Variants in BCAR1 observed in about 807,000 individuals in gnomAD.
The protein encoded by BCAR1 is breast cancer anti-estrogen resistance protein 1.
A neutral mutation model predicts 67.6 loss-of-function variants in BCAR1; 30 were observed. That is an observed-to-expected ratio of 0.44 (90% CI 0.33 to 0.60). The LOEUF (loss-of-function observed/expected upper bound fraction) is 0.60. Ranked by LOEUF, BCAR1 falls within the 20% of genes least tolerant of loss-of-function variation. The pLI, the probability that BCAR1 is intolerant of heterozygous loss-of-function variation, is 0.02. For missense variants in BCAR1, 1,313 were observed against 1,222.3 expected (o/e 1.07, Z -1.11); for synonymous variants, 626 against 556.7 (o/e 1.12, Z -1.75).
At chr16:75,234,847 G>T in intron 5 of BCAR1, 42 bp downstream of exon 5, 1 of 1,515,388 alleles carries the variant, frequency 6.6e-7, no homozygotes, top group Non-Finnish European at 8.8e-7. Flanking sequence ...CAGGAGCCCA[G>T]CGTGGCAGAA....
chr16:75,238,113 C>G, intron 2 of BCAR1: 1 of 1,288,796 alleles, frequency 7.8e-7, no homozygotes, highest in Non-Finnish European at 1.0e-6. Flanking sequence ...CCCAGGGAAG[C>G]CAAGGCCCGC....
Position 75,235,202 on chromosome 16 carries a change from C to A in BCAR1, c.1697G>T (p.Arg566Leu). The A allele has an allele frequency of 2.5e-6, 4 of 1,608,012 alleles. No individual in the cohort carries two copies. The highest frequency in any genetic ancestry group is 3.4e-6 in the Non-Finnish European group (4 of 1,178,286). Reference sequence around the variant, plus strand: ...CTCAAGGGTGGCTCCAGAGCCTCCCCGGCCAGCGTCGAGGGCCTGACCATG... The same window carrying A: ...CTCAAGGGTGGCTCCAGAGCCTCCCAGGCCAGCGTCGAGGGCCTGACCATG... ...VAHGQALDAG[R>L]GGSGATLEDL... The change falls in exon 5 of 7, where the codon CGG (arginine) becomes CTG (leucine). Residue 566 changes from arginine (R) to leucine (L), a missense_variant. By Grantham distance (102) the Arg-to-Leu change is moderately radical. Coordinates refer to ENST00000162330, the MANE Select transcript of BCAR1 (RefSeq NM_014567.5).
At chr16:75,260,807 T>C (rs1295469863) in intron 1 of BCAR1, among the ~76,000 whole-genome samples, 2 of 152,210 alleles carry the variant, frequency 1.3e-5, no homozygotes, top group African/African-American at 4.8e-5. Context: ...AAACCCACCA[T>C]GCTACTCTTT....
intron 2 of BCAR1, among the ~76,000 whole-genome samples, chr16:75,240,278 T>A (rs1294309945): frequency 6.6e-6 from 1 of 152,150 alleles, no homozygotes; most frequent in African/African-American, 2.4e-5. Flanking sequence ...GAGACTCAGT[T>A]TCCCAGGCAT....
chr16:75,228,707 G>C lies in BCAR1; in HGVS notation c.*804C>G, dbSNP rs1166346803. 2.6e-5 allele frequency: 4 copies of C among 152,332 alleles called. No homozygotes were observed. The highest frequency in any genetic ancestry group is 2.6e-4 in the Admixed American group (4 of 15,292). The allele number at this position is 152,332 out of a possible 1,614,324, so 9.4% of individuals were successfully genotyped here. Reference sequence around the variant, plus strand: ...ACTCCAGATGCCAGCTGTGGGCATGGGCAGGTGCTCACTGTGGCAGCTCCC... The same window carrying C: ...ACTCCAGATGCCAGCTGTGGGCATGCGCAGGTGCTCACTGTGGCAGCTCCC... On this transcript the variant is annotated 3_prime_UTR_variant, in exon 7 of 7. Coordinates refer to ENST00000162330, the MANE Select transcript of BCAR1 (RefSeq NM_014567.5).
intron 1 of BCAR1, chr16:75,263,568 T>A: frequency 3.0e-6 from 3 of 985,394 alleles, no homozygotes; most frequent in East Asian, 2.3e-4. Context: ...CACCAGCTGA[T>A]CCCCGGCATC....
At chr16:75,238,384 G>T in intron 2 of BCAR1, 1 of 1,093,298 alleles carries the variant, frequency 9.1e-7, no homozygotes, top group Non-Finnish European at 1.1e-6. Context: ...GGATGTCTGG[G>T]ACAGGGTTGA....
chr16:75,237,169 C>T lies in BCAR1; in HGVS notation c.795+14G>A, dbSNP rs956910397. The T allele has an allele frequency of 1.3e-6, 2 of 1,551,012 alleles. No individual in the cohort carries two copies. Among genetic ancestry groups the T allele is most frequent in the African/African-American group, 1.4e-5 (1 of 72,280 alleles). ...GCCGCCCTGCCCTCCCACCGCTGCGCACCCCACACCTACCTCCTGGCCATA... is the reference window on the plus strand; with the variant it reads ...GCCGCCCTGCCCTCCCACCGCTGCGTACCCCACACCTACCTCCTGGCCATA... On this transcript the variant is annotated intron_variant, in intron 3 of 6. Transcript: ENST00000162330.
intron 1 of BCAR1, among the ~76,000 whole-genome samples, chr16:75,258,007 G>C (rs1043545571): frequency 6.6e-6 from 1 of 152,182 alleles, no homozygotes; most frequent in Non-Finnish European, 1.5e-5. Flanking sequence ...ATGACCAGCA[G>C]CCCTGCCCAC....
chr16:75,241,500 G>C (rs533477050), intron 2 of BCAR1, among the ~76,000 whole-genome samples: 2 of 152,212 alleles, frequency 1.3e-5, no homozygotes, highest in African/African-American at 4.8e-5. Flanking sequence ...AAGCCAGTTT[G>C]GGAGCACCCC....
At chr16:75,234,696 G>A (rs554651785) in intron 5 of BCAR1, among the ~76,000 whole-genome samples, 193 bp downstream of exon 5, 4 of 152,220 alleles carry the variant, frequency 2.6e-5, no homozygotes, top group Admixed American at 6.5e-5. Flanking sequence ...ATACCAGCCC[G>A]AGGGACTCAA....
At chr16:75,254,357 G>T (rs943937913), upstream of BCAR1, among the ~76,000 whole-genome samples, 10 of 152,100 alleles carry the variant, frequency 6.6e-5, no homozygotes, top group Non-Finnish European at 1.0e-4. Flanking sequence ...CAGTAAAACT[G>T]AGCTCAGCAC....
chr16:75,235,753 G>T lies in BCAR1; in HGVS notation c.1146C>A (p.Gly382=). Reference sequence around the variant, plus strand: ...GGGGCACATCGTACAGGGTGCCCGGGCCAGGCCGCCGCAAGCCAGGGGGCA... The same window carrying T: ...GGGGCACATCGTACAGGGTGCCCGGTCCAGGCCGCCGCAAGCCAGGGGGCA... ...YDVPPGLRRP[G]PGTLYDVPRE... The change falls in exon 5 of 7, where the codon GGC becomes GGA. Residue 382 remains glycine (G), a synonymous_variant. Transcript: ENST00000162330. 4.4e-6 allele frequency: 7 copies of T among 1,593,586 alleles called. No homozygotes were observed. The highest frequency in any genetic ancestry group is 1.3e-5 in the African/African-American group (1 of 74,764).
chr16:75,240,449 G>C (rs545484293), intron 2 of BCAR1, among the ~76,000 whole-genome samples: 39 of 152,330 alleles, frequency 2.6e-4, no homozygotes, highest in African/African-American at 8.7e-4. Context: ...AAAGTCCAAG[G>C]CGGCTCAGGG....
chr16:75,265,921 C>G lies in BCAR1; in HGVS notation c.66+1994G>C, dbSNP rs1027676448. 8.1e-6 allele frequency: 9 copies of G among 1,104,826 alleles called. No homozygotes were observed. In the African/African-American group the frequency reaches 1.3e-4, roughly 16 times the overall value. 68.4% of individuals were successfully genotyped at this position (1,104,826 alleles called of 1,614,324 possible). ...CCGCCCGCGCCGCTCAGAGGCCCCG[C>G]GAGGGGTCCCGGCGCTTTCCGGCTC... On this transcript the variant is annotated intron_variant, in intron 1 of 6. Coordinates refer to the BCAR1 transcript ENST00000393422.
upstream of BCAR1, among the ~76,000 whole-genome samples, chr16:75,255,201 GT>G (rs2077748001): frequency 6.6e-6 from 1 of 152,214 alleles, no homozygotes; most frequent in East Asian, 1.9e-4. Context: ...GCTAAAACCA[GT>G]TTGCACAGTG....
At chr16:75,253,993 G>C (rs990405526), upstream of BCAR1, among the ~76,000 whole-genome samples, 4 of 151,352 alleles carry the variant, frequency 2.6e-5, no homozygotes, top group African/African-American at 7.3e-5. Flanking sequence ...TTGAGATGGG[G>C]TTTCACCATA....
chr16:75,229,479 C>T lies in BCAR1; in HGVS notation c.*32G>A, dbSNP rs2076815843. On this transcript the variant is annotated 3_prime_UTR_variant, in exon 7 of 7. Coordinates refer to ENST00000162330, the MANE Select transcript of BCAR1 (RefSeq NM_014567.5). ...GCCAGGGAGCTGGGACCGCCGCACCCCTCCCCTGCCTCCCTCCTGGGGTCA... is the reference window on the plus strand; with the variant it reads ...GCCAGGGAGCTGGGACCGCCGCACCTCTCCCCTGCCTCCCTCCTGGGGTCA... The T allele has an allele frequency of 1.3e-6, 2 of 1,498,988 alleles. No individual in the cohort carries two copies. Among genetic ancestry groups the T allele is most frequent in the Non-Finnish European group, 1.8e-6 (2 of 1,123,882 alleles). 92.9% of individuals were successfully genotyped at this position (1,498,988 alleles called of 1,614,324 possible).
chr16:75,237,486 C>T (rs1477741524), intron 2 of BCAR1, 142 bp from the exon 3 acceptor site: 2 of 1,007,192 alleles, frequency 2.0e-6, no homozygotes, highest in East Asian at 3.2e-5. Context: ...GATGCCAGTT[C>T]TCACCCCCTC....
Sources: allele counts gnomAD v4.1 joint callset (sites outside exome capture counted in the v4.1 genomes callset), GRCh38; gene constraint gnomAD v4.1.1; transcripts MANE v1.5; gene names NCBI Gene and HGNC (gene_info 2026-07-23, HGNC 2026-07-21).